FGGY: variants seen among roughly 807,000 people sequenced by gnomAD.
FGGY encodes FGGY carbohydrate kinase domain-containing protein.
A neutral mutation model predicts 71.3 loss-of-function variants in FGGY; 72 were observed. The ratio of observed to expected loss-of-function variants is 1.01; its 90% CI spans 0.84 to 1.23. The LOEUF (loss-of-function observed/expected upper bound fraction) is 1.23. FGGY is among the 50% of genes most tolerant of loss of function. The probability of loss-of-function intolerance (pLI) is 0.00; values close to 1 mark genes in which losing one functional copy is unlikely to be tolerated. For missense variants in FGGY, 668 were observed against 682.3 expected (o/e 0.98, Z 0.23); for synonymous variants, 251 against 250.3 (o/e 1.00, Z -0.02).
rs536799039 is a variant in FGGY at position 59,607,789 on chromosome 1, ATCTT to A, written c.904-7_904-4del. 1.4e-5 allele frequency: 23 copies of A among 1,604,302 alleles called. No homozygotes were observed. The highest frequency in any genetic ancestry group is 2.0e-5 in the Non-Finnish European group (23 of 1,171,892). On this transcript the variant is annotated splice_polypyrimidine_tract_variant and intron_variant, in intron 8 of 15. Coordinates refer to ENST00000303721, the MANE Select transcript of FGGY (RefSeq NM_018291.5). ...GAGTCAATGTTTTCACATATTTTCCATCTTTCTTTCCAGATCAGCAAAGACCCGA... is the reference window on the plus strand; with the variant it reads ...GAGTCAATGTTTTCACATATTTTCCATCTTTCCAGATCAGCAAAGACCCGA...
At chr1:59,422,902 C>T (rs1285932383) in intron 5 of FGGY, among the ~76,000 whole-genome samples, 1 of 152,108 alleles carries the variant, frequency 6.6e-6, no homozygotes, top group Non-Finnish European at 1.5e-5. Flanking sequence ...CCTTGGCATG[C>T]AATGATTATT....
intron 14 of FGGY, among the ~76,000 whole-genome samples, chr1:59,697,952 T>G (rs2097676098): frequency 6.6e-6 from 1 of 152,218 alleles, no homozygotes; most frequent in Admixed American, 6.5e-5. Context: ...GTGATTGAAC[T>G]CTCTGAGCCT....
intron 14 of FGGY, chr1:59,755,612 A>G (rs894211776): frequency 6.6e-6 from 1 of 152,222 alleles, no homozygotes; most frequent in Non-Finnish European, 1.5e-5. Flanking sequence ...TTTTTAAACC[A>G]TTGAAATCTC....
intron 8 of FGGY, among the ~76,000 whole-genome samples, chr1:59,602,039 G>C (rs1004353912): frequency 6.6e-6 from 1 of 152,226 alleles, no homozygotes; most frequent in African/African-American, 2.4e-5. Context: ...TGTTGAAATA[G>C]CTAGCTGAAG....
chr1:59,298,679 A>G (rs951317566), intron 1 of FGGY, among the ~76,000 whole-genome samples: 3 of 152,300 alleles, frequency 2.0e-5, no homozygotes, highest in East Asian at 1.9e-4. Flanking sequence ...TGGTTTTTAA[A>G]ATAATTTGAG....
At chr1:59,425,051 G>A (rs892126467) in intron 5 of FGGY, among the ~76,000 whole-genome samples, 5 of 152,124 alleles carry the variant, frequency 3.3e-5, no homozygotes, top group African/African-American at 1.2e-4. Flanking sequence ...CTGAGTTTCA[G>A]TTTCCTTGCC....
intron 2 of FGGY, among the ~76,000 whole-genome samples, chr1:59,322,383 C>T (rs904856807): frequency 6.6e-6 from 1 of 151,008 alleles, no homozygotes; most frequent in Non-Finnish European, 1.5e-5. Context: ...GATTTTGGTG[C>T]ACTCATCACC....
chr1:59,396,279 G>T (rs555565584), intron 5 of FGGY, among the ~76,000 whole-genome samples: 1 of 152,272 alleles, frequency 6.6e-6, no homozygotes, highest in African/African-American at 2.4e-5. Context: ...GCATACTCCT[G>T]ATTTTTGTGA....
At chr1:59,472,203 G>A (rs1011463412) in intron 6 of FGGY, among the ~76,000 whole-genome samples, 2 of 152,162 alleles carry the variant, frequency 1.3e-5, no homozygotes, top group African/African-American at 2.4e-5. Context: ...GTGTGGGCTC[G>A]GCGGACCCCG....
intron 5 of FGGY, among the ~76,000 whole-genome samples, chr1:59,410,192 G>A (rs1046536134): frequency 1.1e-4 from 16 of 152,230 alleles, no homozygotes; most frequent in African/African-American, 3.4e-4. Context: ...ATTTAAAGCA[G>A]AGGTAGGCTT....
At chr1:59,530,791 A>C (rs2095121390) in intron 7 of FGGY, among the ~76,000 whole-genome samples, 1 of 152,158 alleles carries the variant, frequency 6.6e-6, no homozygotes, top group South Asian at 2.1e-4. Flanking sequence ...GCTGAAATAG[A>C]AGTGTGAGAG....
chr1:59,479,081 A>G (rs2153563040), intron 6 of FGGY, among the ~76,000 whole-genome samples: 1 of 152,350 alleles, frequency 6.6e-6, no homozygotes, highest in Middle Eastern at 3.4e-3. Context: ...TTACATTACA[A>G]CAACATGAGA....
chr1:59,704,176 G>A (rs1288955004), intron 14 of FGGY, among the ~76,000 whole-genome samples: 2 of 152,140 alleles, frequency 1.3e-5, no homozygotes, highest in African/African-American at 4.8e-5. Flanking sequence ...GCGGATTCCA[G>A]CTGAGCATCT....
At chr1:59,591,204 A>G (rs1349564433) in intron 8 of FGGY, among the ~76,000 whole-genome samples, 1 of 152,252 alleles carries the variant, frequency 6.6e-6, no homozygotes, top group East Asian at 1.9e-4. Flanking sequence ...TTCAAAAAGA[A>G]TAAAATGGCT....
chr1:59,730,178 C>CTTG (rs2098007933), intron 14 of FGGY, among the ~76,000 whole-genome samples: 1 of 152,158 alleles, frequency 6.6e-6, no homozygotes, highest in Non-Finnish European at 1.5e-5. Context: ...AGCAGCTGCT[C>CTTG]CTCCAAGTAA....
chr1:59,468,282 A>C (rs1314150445), intron 6 of FGGY, among the ~76,000 whole-genome samples: 1 of 152,214 alleles, frequency 6.6e-6, no homozygotes, highest in Non-Finnish European at 1.5e-5. Flanking sequence ...CAGGCAATGA[A>C]TGTATTTCCT....
intron 2 of FGGY, among the ~76,000 whole-genome samples, chr1:59,334,189 C>A (rs1425181345): frequency 6.6e-6 from 1 of 152,178 alleles, no homozygotes. Context: ...GTCGCCCAGG[C>A]TGGAGTACAG....
chr1:59,715,175 A>G (rs1443917942), intron 14 of FGGY, among the ~76,000 whole-genome samples: 1 of 152,178 alleles, frequency 6.6e-6, no homozygotes, highest in East Asian at 1.9e-4. Flanking sequence ...AAGTTCTGGC[A>G]TTCCAAAGCA....
chr1:59,661,734 G>A (rs1270606483), intron 12 of FGGY, among the ~76,000 whole-genome samples: 1 of 147,622 alleles, frequency 6.8e-6, no homozygotes, highest in Non-Finnish European at 1.5e-5. Context: ...TTTTGTTTTT[G>A]TTTTGAGACA....
Sources: gnomAD v4.1 joint callset for allele counts (sites outside exome capture counted in the v4.1 genomes callset) on GRCh38, gnomAD v4.1.1 for gene constraint, MANE v1.5 for transcripts, NCBI Gene and HGNC (gene_info 2026-07-23, HGNC 2026-07-21) for gene names.